The following MAD1L1 variants were observed in gnomAD, a reference collection of about 807,000 sequenced individuals.
MAD1L1 encodes the protein mitotic spindle assembly checkpoint protein MAD1.
In MAD1L1, 95 loss-of-function variants were observed where a neutral mutation model predicts 96.9. The ratio of observed to expected loss-of-function variants is 0.98; its 90% CI spans 0.83 to 1.16. The LOEUF (loss-of-function observed/expected upper bound fraction) is 1.16, where lower values mean the gene tolerates loss of function less well. Among genes scored for constraint, MAD1L1 ranks in the 50% most tolerant of loss-of-function variants. The pLI is 0.00. For missense variants in MAD1L1, 1,007 were observed against 954.4 expected (o/e 1.06, Z -0.73); for synonymous variants, 473 against 396.6 (o/e 1.19, Z -2.29).
At chr7:1,927,858 A>G (rs1175982924) in intron 17 of MAD1L1, among the ~76,000 whole-genome samples, 1 of 152,162 alleles carries the variant, frequency 6.6e-6, no homozygotes, top group Non-Finnish European at 1.5e-5. Context: ...CGAGGAACAC[A>G]GGGTCAGAAA....
intron 10 of MAD1L1, among the ~76,000 whole-genome samples, chr7:2,194,143 G>C (rs1256420509): frequency 1.3e-5 from 2 of 151,942 alleles, no homozygotes; most frequent in African/African-American, 2.4e-5. Context: ...CTTTTGCAGA[G>C]ATGAGGTCTC....
At chr7:2,164,209 C>T (rs1790307989) in intron 10 of MAD1L1, among the ~76,000 whole-genome samples, 1 of 152,200 alleles carries the variant, frequency 6.6e-6, no homozygotes, top group Non-Finnish European at 1.5e-5. Flanking sequence ...GGCCTCTTTC[C>T]AGAGGAGACA....
chr7:2,036,268 C>G (rs1265743753), intron 12 of MAD1L1, among the ~76,000 whole-genome samples: 11 of 106,996 alleles, frequency 1.0e-4, no homozygotes, highest in African/African-American at 3.8e-4. Context: ...CAAGTCGGGA[C>G]AGAGCTGGGG....
chr7:1,947,690 C>G (rs889418921), intron 16 of MAD1L1, among the ~76,000 whole-genome samples: 6 of 152,232 alleles, frequency 3.9e-5, no homozygotes, highest in Non-Finnish European at 5.9e-5. Context: ...ATCTCCTGCC[C>G]GTGGCCTTGC....
chr7:1,987,896 C>T (rs995603857), intron 14 of MAD1L1, among the ~76,000 whole-genome samples: 10 of 152,212 alleles, frequency 6.6e-5, no homozygotes, highest in East Asian at 1.9e-4. Context: ...GTGGGAAACC[C>T]GGGCTCCCAG....
intron 11 of MAD1L1, among the ~76,000 whole-genome samples, chr7:2,126,790 G>A (rs565026337): frequency 1.3e-5 from 2 of 152,176 alleles, no homozygotes; most frequent in Non-Finnish European, 2.9e-5. Context: ...AGTGAGCCAC[G>A]AGCCTCCGCC....
rs1455695871 is a variant in MAD1L1 at position 2,103,200 on chromosome 7, A to G, written c.1074-33862T>C. On this transcript the variant is annotated intron_variant, in intron 11 of 18. Coordinates refer to ENST00000265854, the MANE Select transcript of MAD1L1 (RefSeq NM_001013836.2). The surrounding 1 kb of genome is among the most constrained non-coding windows in gnomAD (Gnocchi z 4.3). ...AAAGGGGCAGCTCCGACCACGCTTC[A>G]GCTCTCAGCCCACATGGTGTGTCCA... is the stretch of plus-strand genomic sequence containing the variant. Among the ~76,000 whole-genome samples, 3 of 152,066 alleles carry G rather than the reference A, an allele frequency of 2.0e-5. No individual in the cohort carries two copies. Among genetic ancestry groups the G allele is most frequent in the Non-Finnish European group, 2.9e-5 (2 of 68,018 alleles).
chr7:1,945,867 C>T (rs1779207394), intron 16 of MAD1L1, among the ~76,000 whole-genome samples: 1 of 152,136 alleles, frequency 6.6e-6, no homozygotes, highest in Admixed American at 6.5e-5. Context: ...ACCACCAGGG[C>T]AGGAGGTGGT....
intron 16 of MAD1L1, among the ~76,000 whole-genome samples, chr7:1,938,381 C>T (rs1778722256): frequency 6.6e-6 from 1 of 151,996 alleles, no homozygotes; most frequent in Non-Finnish European, 1.5e-5. Context: ...ACAGGTTACT[C>T]AAACAGGGTT....
chr7:2,042,081 A>G (rs932456775), intron 12 of MAD1L1, among the ~76,000 whole-genome samples: 1 of 150,934 alleles, frequency 6.6e-6, no homozygotes, highest in Non-Finnish European at 1.5e-5. Context: ...ACACATATGT[A>G]CACACACATC....
chr7:2,133,219 T>C (rs997408706), intron 11 of MAD1L1, among the ~76,000 whole-genome samples: 2 of 151,634 alleles, frequency 1.3e-5, no homozygotes, highest in African/African-American at 2.4e-5. Context: ...CCATTTTCAA[T>C]GCTGAGCATC....
chr7:1,953,270 T>G (rs527770945), intron 16 of MAD1L1, among the ~76,000 whole-genome samples: 73 of 152,294 alleles, frequency 4.8e-4, no homozygotes, highest in African/African-American at 1.7e-3. Flanking sequence ...CCGGCAATCT[T>G]CTACCCACTC....
intron 12 of MAD1L1, among the ~76,000 whole-genome samples, chr7:2,023,251 T>C (rs542897853): frequency 1.3e-5 from 2 of 152,218 alleles, no homozygotes; most frequent in African/African-American, 2.4e-5. Flanking sequence ...CAAACTCATA[T>C]GGAAAATTTA....
rs571872042 is a variant in MAD1L1 at position 2,026,024 on chromosome 7, C to T, written c.1219-11382G>A. Among the ~76,000 whole-genome samples, 7 of 152,054 alleles carry T rather than the reference C, an allele frequency of 4.6e-5. 1 individual carries two copies. The highest frequency in any genetic ancestry group is 7.2e-5 in the African/African-American group (3 of 41,476). ...TCAGTTACAATTAGATTAAATATTT[C>T]GACTAAGAAATGATTTTTACGCTGA... On this transcript the variant is annotated intron_variant, in intron 12 of 18. Coordinates refer to ENST00000265854, the MANE Select transcript of MAD1L1 (RefSeq NM_001013836.2).
chr7:2,003,061 A>T (rs1243544739), intron 13 of MAD1L1, among the ~76,000 whole-genome samples: 1 of 152,270 alleles, frequency 6.6e-6, no homozygotes, highest in Non-Finnish European at 1.5e-5. Context: ...AGCACACAGG[A>T]AAGTCCGGGA....
At chr7:2,001,807 C>T (rs1306292400) in intron 14 of MAD1L1, among the ~76,000 whole-genome samples, 1 of 152,254 alleles carries the variant, frequency 6.6e-6, no homozygotes, top group Non-Finnish European at 1.5e-5. Flanking sequence ...ATGCGGCAAA[C>T]ATGTCACTGG....
chr7:2,196,980 C>A (rs1359134451), intron 10 of MAD1L1, among the ~76,000 whole-genome samples: 1 of 152,226 alleles, frequency 6.6e-6, no homozygotes, highest in Non-Finnish European at 1.5e-5. Context: ...CAGGTCCTCG[C>A]CCTGCGAATT....
intron 16 of MAD1L1, among the ~76,000 whole-genome samples, chr7:1,938,943 C>A (rs1267040935): frequency 7.8e-6 from 1 of 128,468 alleles, no homozygotes; most frequent in Non-Finnish European, 1.6e-5. Context: ...AGGCCAGGAC[C>A]GGGACCAGAG....
At chr7:2,028,931 G>A (rs973956389) in intron 12 of MAD1L1, among the ~76,000 whole-genome samples, 1 of 152,142 alleles carries the variant, frequency 6.6e-6, no homozygotes, top group African/African-American at 2.4e-5. Flanking sequence ...CAACAAGGCT[G>A]CGCAGTGCCA....
Sources: allele counts gnomAD v4.1 joint callset (sites outside exome capture counted in the v4.1 genomes callset), GRCh38; gene constraint gnomAD v4.1.1; non-coding constraint Gnocchi (gnomAD v3.1); transcripts MANE v1.5; gene names NCBI Gene and HGNC (gene_info 2026-07-23, HGNC 2026-07-21).